Variants in SVIL observed in about 807,000 individuals in gnomAD.
SVIL encodes the protein archvillin.
Under a neutral mutation model 240.4 loss-of-function variants are expected in SVIL, and 101 were observed. The observed-to-expected ratio is 0.42, with a 90% CI of 0.36 to 0.50. SVIL has a LOEUF of 0.50. SVIL is among the 20% of genes least tolerant of loss of function. SVIL has a pLI of 0.01. For synonymous variants in SVIL, 999 were observed against 1,100.0 expected, an observed-to-expected ratio of 0.91 and a Z score of 1.82; for missense variants, 2,512 against 2,818.7, an observed-to-expected ratio of 0.89 and a Z score of 2.46.
chr10:29,457,417 C>T lies in SVIL; in HGVS notation c.*830G>A, dbSNP rs1564434140. 8 of 151,980 alleles carry T rather than the reference C, an allele frequency of 5.3e-5. No individual in the cohort carries two copies. The East Asian group carries it at 7.8e-4, about 15-fold the overall frequency. 9.4% of individuals were successfully genotyped at this position (151,980 alleles called of 1,614,324 possible). Reference sequence around the variant, plus strand: ...CCTATATCACAAAATGACATGTGTACTGTTTACAACCGGTATTAGAAATTG... The same window carrying T: ...CCTATATCACAAAATGACATGTGTATTGTTTACAACCGGTATTAGAAATTG... On this transcript the variant is annotated 3_prime_UTR_variant, in exon 38 of 38. Coordinates refer to ENST00000355867, the MANE Select transcript of SVIL (RefSeq NM_021738.3).
intron 6 of SVIL, chr10:29,545,099 C>T (rs749352525): frequency 7.5e-6 from 4 of 534,184 alleles, no homozygotes; most frequent in East Asian, 5.4e-5. Context: ...CGATGCTCTC[C>T]TGCAGACACC....
At chr10:29,486,032 C>A in intron 26 of SVIL, 53 bp downstream of exon 26, 1 of 1,609,842 alleles carries the variant, frequency 6.2e-7, no homozygotes, top group Non-Finnish European at 8.5e-7. Context: ...GCAGCCTGTG[C>A]TGAGTGCTTT....
intron 1 of SVIL, among the ~76,000 whole-genome samples, chr10:29,707,316 G>C (rs1962960500): frequency 6.6e-6 from 1 of 152,032 alleles, no homozygotes; most frequent in South Asian, 2.1e-4. Context: ...TTATTTCCTT[G>C]AGCAGTGGTT....
At chr10:29,462,834 A>G (rs1457612646) in intron 35 of SVIL, among the ~76,000 whole-genome samples, 1 of 152,190 alleles carries the variant, frequency 6.6e-6, no homozygotes, top group African/African-American at 2.4e-5. Context: ...AAGGTTTCAT[A>G]TGTTATTTAT....
chr10:29,692,781 C>T (rs991627608), intron 1 of SVIL, among the ~76,000 whole-genome samples: 3 of 152,076 alleles, frequency 2.0e-5, no homozygotes, highest in Non-Finnish European at 2.9e-5. Flanking sequence ...GCGTGAGCTG[C>T]TGTGCCCAGG....
intron 30 of SVIL, among the ~76,000 whole-genome samples, chr10:29,472,158 G>T (rs1252021676): frequency 2.6e-5 from 4 of 152,148 alleles, no homozygotes; most frequent in Non-Finnish European, 4.4e-5. Flanking sequence ...CCACTGGATT[G>T]GTAACAGGTA....
At chr10:29,604,202 C>CTTT (rs34705681) in intron 1 of SVIL, among the ~76,000 whole-genome samples, 1 of 134,948 alleles carries the variant, frequency 7.4e-6, no homozygotes, top group African/African-American at 2.7e-5. Flanking sequence ...TATTGTTCCT[C>CTTT]TTTTTTTTTT....
intron 1 of SVIL, among the ~76,000 whole-genome samples, chr10:29,691,889 T>A (rs1299726697): frequency 6.6e-6 from 1 of 152,162 alleles, no homozygotes; most frequent in Non-Finnish European, 1.5e-5. Flanking sequence ...CCCTTTCAAA[T>A]AACTGAGCAG....
At chr10:29,485,242 C>A (rs1947284727) in intron 26 of SVIL, among the ~76,000 whole-genome samples, 1 of 151,274 alleles carries the variant, frequency 6.6e-6, no homozygotes, top group Non-Finnish European at 1.5e-5. Flanking sequence ...ACTCATGGTC[C>A]AGTGGTGTCT....
chr10:29,667,133 C>G (rs1242396668), intron 2 of SVIL, among the ~76,000 whole-genome samples: 2 of 152,008 alleles, frequency 1.3e-5, no homozygotes, highest in African/African-American at 4.8e-5. Context: ...AACTCCACAC[C>G]CTATGTATTT....
intron 3 of SVIL, among the ~76,000 whole-genome samples, chr10:29,641,075 C>T (rs527385305): frequency 1.3e-5 from 2 of 152,166 alleles, no homozygotes; most frequent in East Asian, 1.9e-4. Flanking sequence ...AGCAAATCGT[C>T]CCAGATCCTG....
rs550004721 is a variant in SVIL, at chr10:29,724,791, G to A, written c.-400+10960C>T. ...AATCCCGGCACTTTGGGAGGCTGAGGTGGGTGGATCGCTTGAAGTCAGGAG... is the reference window on the plus strand; with the variant it reads ...AATCCCGGCACTTTGGGAGGCTGAGATGGGTGGATCGCTTGAAGTCAGGAG... On this transcript the variant is annotated intron_variant, in intron 1 of 35. Transcript: ENST00000375400. Among the ~76,000 whole-genome samples the A allele has an allele frequency of 7.1e-4, 108 of 152,230 alleles. 2 individuals carry two copies. The highest frequency in any genetic ancestry group is 2.5e-3 in the African/African-American group (103 of 41,548).
At chr10:29,700,820 A>T (rs972143177) in intron 1 of SVIL, among the ~76,000 whole-genome samples, 1 of 151,730 alleles carries the variant, frequency 6.6e-6, no homozygotes, top group Non-Finnish European at 1.5e-5. Context: ...TGGCACCCCT[A>T]CCCCCACCTG....
At chr10:29,625,818 A>G (rs1384175765) in intron 1 of SVIL, among the ~76,000 whole-genome samples, 1 of 152,206 alleles carries the variant, frequency 6.6e-6, no homozygotes, top group Non-Finnish European at 1.5e-5. Context: ...CTAGGGGAAG[A>G]GAGAATTTCA....
chr10:29,486,485 C>CA lies in SVIL; in HGVS notation c.4557dup (p.Glu1520Ter). 1.2e-6 allele frequency: 2 copies of CA among 1,614,158 alleles called. No individual in the cohort carries two copies. Among genetic ancestry groups the CA allele is most frequent in the Non-Finnish European group, 1.7e-6 (2 of 1,180,034 alleles). On this transcript the variant is annotated frameshift_variant, in exon 25 of 38. Transcript: ENST00000355867. LOFTEE classifies it high-confidence loss of function. ...TGAGTGTGTGTATTAATTCCTTCTT[C>CA]AATGGTTTGGATATAAGTAGCTCTA...
chr10:29,728,115 T>C (rs1014989958), intron 1 of SVIL, among the ~76,000 whole-genome samples: 1 of 152,108 alleles, frequency 6.6e-6, no homozygotes, highest in African/African-American at 2.4e-5. Context: ...ACAGTCTTAA[T>C]ATGACCAATC....
intron 1 of SVIL, among the ~76,000 whole-genome samples, chr10:29,597,503 C>T (rs187120004): frequency 1.3e-5 from 2 of 152,192 alleles, no homozygotes; most frequent in East Asian, 3.9e-4. Flanking sequence ...CTGCAACCTC[C>T]ACCTCCTGGG....
intron 11 of SVIL, among the ~76,000 whole-genome samples, chr10:29,530,103 A>C (rs1233874342): frequency 6.6e-6 from 1 of 152,144 alleles, no homozygotes; most frequent in African/African-American, 2.4e-5. Context: ...GAGCCTGGGA[A>C]GTTGAGGCTG....
At chr10:29,703,599 C>T (rs940623678) in intron 1 of SVIL, among the ~76,000 whole-genome samples, 3 of 152,336 alleles carry the variant, frequency 2.0e-5, no homozygotes, top group East Asian at 1.9e-4. Context: ...CCAGCAGACT[C>T]GTGGAACCAG....
Sources: gnomAD v4.1 joint callset for allele counts (sites outside exome capture counted in the v4.1 genomes callset) on GRCh38, gnomAD v4.1.1 for gene constraint, MANE v1.5 for transcripts, NCBI Gene and HGNC (gene_info 2026-07-23, HGNC 2026-07-21) for gene names.